The following ATP10B variants were observed in gnomAD, a reference collection of about 807,000 sequenced individuals.
ATP10B encodes ATPase phospholipid transporting 10B (putative).
A neutral mutation model predicts 141.2 loss-of-function variants in ATP10B; 122 were observed. The ratio of observed to expected loss-of-function variants is 0.86; its 90% CI spans 0.75 to 1.00. The LOEUF (loss-of-function observed/expected upper bound fraction) is 1.00. ATP10B is among the 50% of genes least tolerant of loss of function. ATP10B has a pLI of 0.00. For synonymous variants in ATP10B, 685 were observed against 692.0 expected, an observed-to-expected ratio of 0.99 and a Z score of 0.16; for missense variants, 1,876 against 1,825.3, an observed-to-expected ratio of 1.03 and a Z score of -0.51.
chr5:160,856,209 T>C (rs1382355533), upstream of ATP10B, among the ~76,000 whole-genome samples: 4 of 152,024 alleles, frequency 2.6e-5, no homozygotes, highest in South Asian at 4.1e-4. Context: ...ATGGACATAG[T>C]GTGTCTCTTC....
the ATP10B span, among the ~76,000 whole-genome samples, chr5:160,922,454 G>A: frequency 4.6e-5 from 7 of 152,170 alleles, no homozygotes; most frequent in Non-Finnish European, 7.3e-5. Flanking sequence ...AGGAAGTAAA[G>A]AATGGAGGAG....
At chr5:160,926,703 G>C in the ATP10B span, among the ~76,000 whole-genome samples, 2 of 152,236 alleles carry the variant, frequency 1.3e-5, no homozygotes, top group Non-Finnish European at 2.9e-5. Flanking sequence ...GCATCACTAG[G>C]CTGGATTCAA....
intron 1 of ATP10B, among the ~76,000 whole-genome samples, chr5:160,833,646 TATAAA>T (rs1253942801): frequency 6.6e-6 from 1 of 152,102 alleles, no homozygotes; most frequent in Non-Finnish European, 1.5e-5. Flanking sequence ...AGACAAATAT[TATAAA>T]ATAACTATGA....
chr5:160,874,923 G>T, the ATP10B span, among the ~76,000 whole-genome samples: 1 of 143,740 alleles, frequency 7.0e-6, no homozygotes, highest in African/African-American at 2.6e-5. Context: ...GTACCTGAAA[G>T]TGATGGGGAG....
At chr5:160,840,725 G>A (rs1775762197) in intron 1 of ATP10B, among the ~76,000 whole-genome samples, 1 of 151,932 alleles carries the variant, frequency 6.6e-6, no homozygotes, top group East Asian at 1.9e-4. Flanking sequence ...CAGAAGCAAA[G>A]TCAAAAGACA....
intron 2 of ATP10B, among the ~76,000 whole-genome samples, chr5:160,756,931 T>C (rs1410280238): frequency 6.6e-6 from 1 of 152,184 alleles, no homozygotes; most frequent in East Asian, 1.9e-4. Flanking sequence ...AAGTCTTTTT[T>C]AATTGCAAAG....
rs1196903728 is a variant in ATP10B at position 160,644,161 on chromosome 5, G to A, written c.845C>T (p.Ala282Val). 1 of 1,613,948 alleles carries A rather than the reference G, an allele frequency of 6.2e-7. No homozygotes were observed. Among genetic ancestry groups the A allele is most frequent in the Non-Finnish European group, 8.5e-7 (1 of 1,179,882 alleles). The change falls in exon 9 of 26, where the codon GCT (alanine) becomes GTT (valine). Residue 282 changes from alanine (A) to valine (V), a missense_variant. Transcript: ENST00000327245. ...ACCTGCATAGATGACAATGCCAACA[G>A]CCATCTCGGTGTTTCTGATGGTGCA... ...RGCTIRNTEM[A>V]VGIVIYAGHE...
chr5:160,839,634 T>C (rs1252795605), intron 1 of ATP10B, among the ~76,000 whole-genome samples: 1 of 152,100 alleles, frequency 6.6e-6, no homozygotes, highest in Non-Finnish European at 1.5e-5. Context: ...GGCTTGGCAG[T>C]TATATCAATA....
chr5:160,885,962 C>A, the ATP10B span, among the ~76,000 whole-genome samples: 138 of 152,260 alleles, frequency 9.1e-4, no homozygotes, highest in African/African-American at 3.0e-3. Flanking sequence ...TCCACAGTAA[C>A]CACTTTTTGA....
At chr5:160,826,227 C>G (rs1298200923) in intron 1 of ATP10B, among the ~76,000 whole-genome samples, 1 of 152,114 alleles carries the variant, frequency 6.6e-6, no homozygotes, top group Non-Finnish European at 1.5e-5. Context: ...TTTGAGCAAT[C>G]TCCAAACTGC....
intron 1 of ATP10B, among the ~76,000 whole-genome samples, chr5:160,791,259 T>C (rs567114735): frequency 6.6e-6 from 1 of 152,090 alleles, no homozygotes; most frequent in Non-Finnish European, 1.5e-5. Context: ...ATAAATAAAG[T>C]TGTGTTGTTT....
Position 160,578,398 on chromosome 5 carries a change from CT to C in ATP10B, c.3751-8716del, listed in dbSNP as rs773835168. On this transcript the variant is annotated intron_variant, in intron 24 of 25. Coordinates refer to ENST00000327245, the MANE Select transcript of ATP10B (RefSeq NM_025153.3). ...GTTGCCCTCCCTGTGTCCATGTGTT[CT>C]CATTGTTCAACTCTCACTTATGAGT... 4.6e-5 allele frequency among the ~76,000 whole-genome samples: 7 copies of C among 152,206 alleles called. No homozygotes were observed. In the South Asian group the frequency reaches 1.5e-3, roughly 32 times the overall value.
At chr5:160,743,671 C>T (rs142984411) in intron 2 of ATP10B, among the ~76,000 whole-genome samples, 1 of 152,278 alleles carries the variant, frequency 6.6e-6, no homozygotes, top group East Asian at 1.9e-4. Context: ...ATATGCTTAG[C>T]AGTACAAAAA....
rs1327427099 is a variant in ATP10B, at chr5:160,678,368, A to G, written c.471-7701T>C. On this transcript the variant is annotated intron_variant, in intron 6 of 25. Coordinates refer to ENST00000327245, the MANE Select transcript of ATP10B (RefSeq NM_025153.3). ...GCTTGAGATGATTGGAAATTAAAAA[A>G]AAAATTACTGGCTGGGCGTGGTGGC... is the stretch of plus-strand genomic sequence containing the variant. 2.0e-5 allele frequency among the ~76,000 whole-genome samples: 3 copies of G among 152,340 alleles called. 1 individual carries two copies. The highest frequency in any genetic ancestry group is 4.4e-5 in the Non-Finnish European group (3 of 68,030).
the ATP10B span, among the ~76,000 whole-genome samples, chr5:160,904,497 G>A: frequency 1.0e-5 from 1 of 99,894 alleles, no homozygotes; most frequent in Non-Finnish European, 2.2e-5. Context: ...CTGTATGTCT[G>A]GGTGTGCGTG....
chr5:160,813,170 C>T (rs1032864997), intron 1 of ATP10B, among the ~76,000 whole-genome samples: 12 of 152,240 alleles, frequency 7.9e-5, no homozygotes, highest in African/African-American at 2.2e-4. Flanking sequence ...GAGCATGAGC[C>T]GAAGCAGGGC....
intron 1 of ATP10B, among the ~76,000 whole-genome samples, chr5:160,823,001 C>CATATATATATATATAT (rs60078265): frequency 2.9e-4 from 10 of 34,486 alleles, no homozygotes; most frequent in African/African-American, 4.7e-4. Flanking sequence ...TATATATATA[C>CATATATATATATATAT]ATATATATAT....
At chr5:160,719,124 G>C (rs1211025737) in intron 2 of ATP10B, among the ~76,000 whole-genome samples, 1 of 152,170 alleles carries the variant, frequency 6.6e-6, no homozygotes, top group Non-Finnish European at 1.5e-5. Context: ...ATGGCGGCCG[G>C]GCACGGTGGC....
At chr5:160,800,895 A>G (rs1029142002) in intron 1 of ATP10B, among the ~76,000 whole-genome samples, 1 of 152,188 alleles carries the variant, frequency 6.6e-6, no homozygotes, top group Admixed American at 6.5e-5. Context: ...TTTCCCTTTC[A>G]TTTGAAGCCC....
Sources: gnomAD v4.1 joint callset for allele counts (sites outside exome capture counted in the v4.1 genomes callset) on GRCh38, gnomAD v4.1.1 for gene constraint, MANE v1.5 for transcripts, NCBI Gene and HGNC (gene_info 2026-07-23, HGNC 2026-07-21) for gene names.